The following FTO variants were observed in gnomAD, a reference collection of about 807,000 sequenced individuals.
FTO encodes the protein FTO alpha-ketoglutarate dependent dioxygenase.
In FTO, 47 loss-of-function variants were observed where a neutral mutation model predicts 63.9. The observed-to-expected ratio is 0.74, with a 90% CI of 0.58 to 0.94. The LOEUF (loss-of-function observed/expected upper bound fraction) is 0.94. Among genes scored for constraint, FTO ranks in the 40% least tolerant of loss-of-function variants. The pLI is 0.00. For synonymous variants in FTO, 207 were observed against 224.4 expected, an observed-to-expected ratio of 0.92 and a Z score of 0.69; for missense variants, 562 against 618.1, an observed-to-expected ratio of 0.91 and a Z score of 0.96.
intron 8 of FTO, among the ~76,000 whole-genome samples, chr16:54,048,222 A>AG (rs1485497754): frequency 2.1e-4 from 26 of 124,760 alleles, no homozygotes; most frequent in Admixed American, 1.2e-3. Context: ...GTAAAAAAAA[A>AG]TAAAAAATAA....
intron 8 of FTO, among the ~76,000 whole-genome samples, chr16:54,016,701 T>C (rs1178416180): frequency 6.6e-6 from 1 of 152,156 alleles, no homozygotes; most frequent in African/African-American, 2.4e-5. Flanking sequence ...TGGGAAGATA[T>C]GAGGCTGATA....
At chr16:53,744,104 A>G (rs1037289438) in intron 1 of FTO, among the ~76,000 whole-genome samples, 1 of 152,304 alleles carries the variant, frequency 6.6e-6, no homozygotes, top group Admixed American at 6.5e-5. Flanking sequence ...CTCTTTGCAG[A>G]ATTACAAATT....
chr16:53,720,216 C>T (rs1307407189), intron 1 of FTO, among the ~76,000 whole-genome samples: 1 of 152,108 alleles, frequency 6.6e-6, no homozygotes, highest in African/African-American at 2.4e-5. Context: ...CCACTTACTA[C>T]GTATTACCTT....
intron 8 of FTO, among the ~76,000 whole-genome samples, chr16:53,945,712 A>G (rs187681243): frequency 4.9e-4 from 75 of 152,270 alleles, no homozygotes; most frequent in African/African-American, 1.8e-3. Flanking sequence ...CATTTCTTTT[A>G]TATTGGTTAC....
At chr16:53,822,373 A>G (rs2078890052) in intron 2 of FTO, among the ~76,000 whole-genome samples, 1 of 152,134 alleles carries the variant, frequency 6.6e-6, no homozygotes, top group Non-Finnish European at 1.5e-5. Flanking sequence ...CATATTTTTG[A>G]TCACATACTC....
chr16:54,005,424 TAC>T (rs1479883890), intron 8 of FTO, among the ~76,000 whole-genome samples: 1 of 149,714 alleles, frequency 6.7e-6, no homozygotes, highest in East Asian at 1.9e-4. Context: ...TATGTATGTG[TAC>T]ACACAGTGTG....
At chr16:54,022,787 C>T (rs1239828232) in intron 8 of FTO, among the ~76,000 whole-genome samples, 2 of 152,202 alleles carry the variant, frequency 1.3e-5, no homozygotes, top group Non-Finnish European at 2.9e-5. Context: ...TATTAACAAC[C>T]AAAGATAATT....
rs1598761422 is a variant in FTO, at chr16:53,827,392, G to A, written c.751+901G>A. On this transcript the variant is annotated intron_variant, in intron 3 of 8. Transcript: ENST00000471389. ...TACAAGACATAGTATTAGCTCTCCTGTCTGATTTACTGAAAGATGTTTGGA... is the reference window on the plus strand; with the variant it reads ...TACAAGACATAGTATTAGCTCTCCTATCTGATTTACTGAAAGATGTTTGGA... Among the ~76,000 whole-genome samples, 3 of 152,250 alleles carry A rather than the reference G, an allele frequency of 2.0e-5. No homozygotes were observed. In the South Asian group the frequency reaches 6.2e-4, roughly 32 times the overall value.
At chr16:53,865,099 G>A (rs2080271382) in intron 4 of FTO, among the ~76,000 whole-genome samples, 1 of 152,136 alleles carries the variant, frequency 6.6e-6, no homozygotes, top group Admixed American at 6.6e-5. Context: ...AATTATGACT[G>A]TGGGTCCCAG....
intron 1 of FTO, among the ~76,000 whole-genome samples, chr16:53,748,230 T>C (rs946150991): frequency 6.6e-6 from 1 of 152,194 alleles, no homozygotes; most frequent in Non-Finnish European, 1.5e-5. Context: ...AGGGATTGAA[T>C]TGAATGTGTA....
intron 8 of FTO, among the ~76,000 whole-genome samples, chr16:53,952,887 A>T (rs2082831921): frequency 6.6e-6 from 1 of 152,174 alleles, no homozygotes; most frequent in South Asian, 2.1e-4. Flanking sequence ...TGTCTTTCTC[A>T]TTTGATATTT....
At chr16:54,020,034 A>G (rs2084551976) in intron 8 of FTO, among the ~76,000 whole-genome samples, 1 of 152,208 alleles carries the variant, frequency 6.6e-6, no homozygotes, top group Admixed American at 6.5e-5. Flanking sequence ...TTCTATAGTT[A>G]TTTTCCCACT....
intron 7 of FTO, among the ~76,000 whole-genome samples, chr16:53,894,621 G>T (rs2081232077): frequency 8.8e-6 from 1 of 113,480 alleles, no homozygotes; most frequent in African/African-American, 3.0e-5. Flanking sequence ...TAATGGGAAA[G>T]TCACCAATTT....
intron 1 of FTO, among the ~76,000 whole-genome samples, chr16:53,735,345 A>G (rs1027574580): frequency 5.3e-5 from 8 of 152,206 alleles, no homozygotes; most frequent in Non-Finnish European, 1.0e-4. Flanking sequence ...CTGAACTCAT[A>G]GGGTTGATAG....
At chr16:54,063,263 G>A (rs576793560) in intron 8 of FTO, among the ~76,000 whole-genome samples, 104 of 152,304 alleles carry the variant, frequency 6.8e-4, no homozygotes, top group Non-Finnish European at 9.3e-4. Context: ...AACTGCTGAT[G>A]TTGGTGGCAC....
chr16:53,804,647 T>C (rs2078312033), intron 1 of FTO, among the ~76,000 whole-genome samples: 3 of 151,548 alleles, frequency 2.0e-5, no homozygotes, highest in African/African-American at 7.3e-5. Flanking sequence ...TTTTTTTTTT[T>C]TTTGAGAAAG....
intron 8 of FTO, among the ~76,000 whole-genome samples, chr16:54,006,754 G>T (rs773860038): frequency 1.1e-4 from 16 of 152,208 alleles, no homozygotes; most frequent in Non-Finnish European, 1.8e-4. Flanking sequence ...CTCCAAGCCC[G>T]CTGTTTGGGT....
At position 53,759,161 on chromosome 16, in the gene FTO, A is replaced by T. The variant is rs184198279; in HGVS notation, c.46-50979A>T. 7.6e-4 allele frequency among the ~76,000 whole-genome samples: 116 copies of T among 152,352 alleles called. 1 individual carries two copies. In the East Asian group the frequency reaches 0.02, roughly 27 times the overall value. On this transcript the variant is annotated intron_variant, in intron 1 of 8. Coordinates refer to ENST00000471389, the MANE Select transcript of FTO (RefSeq NM_001080432.3). Reference sequence around the variant, plus strand: ...TCCATTATACAACCTTAAAGAAAGGATCATTTAGAAAGCAAGAAAGAGCTT... The same window carrying T: ...TCCATTATACAACCTTAAAGAAAGGTTCATTTAGAAAGCAAGAAAGAGCTT...
intron 8 of FTO, among the ~76,000 whole-genome samples, chr16:53,969,083 A>G (rs1055601527): frequency 6.6e-6 from 1 of 152,208 alleles, no homozygotes; most frequent in Non-Finnish European, 1.5e-5. Flanking sequence ...AAATGGGGCA[A>G]TGAAGCATTC....
Sources: gnomAD v4.1 joint callset for allele counts (sites outside exome capture counted in the v4.1 genomes callset) on GRCh38, gnomAD v4.1.1 for gene constraint, MANE v1.5 for transcripts, NCBI Gene and HGNC (gene_info 2026-07-23, HGNC 2026-07-21) for gene names.